Variants in HDAC9 observed in about 807,000 individuals in gnomAD.
HDAC9 encodes the protein MEF-2 interacting transcription repressor (MITR) protein.
In HDAC9, 41 loss-of-function variants were observed where a neutral mutation model predicts 139.4. The ratio of observed to expected loss-of-function variants is 0.29; its 90% CI spans 0.23 to 0.38. The LOEUF is 0.38. HDAC9 is among the 10% of genes least tolerant of loss of function. HDAC9 has a pLI of 1.00. For missense variants in HDAC9, 1,147 were observed against 1,297.0 expected, an observed-to-expected ratio of 0.88 and a Z score of 1.78; for synonymous variants, 517 against 476.2, an observed-to-expected ratio of 1.09 and a Z score of -1.12.
intron 2 of HDAC9, among the ~76,000 whole-genome samples, chr7:18,190,762 A>G (rs1790292889): frequency 6.6e-6 from 1 of 152,208 alleles, no homozygotes; most frequent in African/African-American, 2.4e-5. Context: ...TCAGCTTTTA[A>G]AATCACTTGT....
intron 23 of HDAC9, among the ~76,000 whole-genome samples, chr7:18,948,493 T>C (rs1233124205): frequency 6.6e-5 from 10 of 152,154 alleles, no homozygotes; most frequent in East Asian, 1.9e-4. Context: ...ACTGGTTTTA[T>C]GTAACCAGTT....
At position 18,294,400 on chromosome 7, in the gene HDAC9, T is replaced by G. The variant is rs180830966; in HGVS notation, c.-42+3885T>G. Among the ~76,000 whole-genome samples the G allele has an allele frequency of 1.3e-3, 192 of 152,236 alleles. 2 individuals carry two copies. The highest frequency in any genetic ancestry group is 4.5e-3 in the African/African-American group (187 of 41,530). On this transcript the variant is annotated intron_variant, in intron 1 of 3. Transcript: ENST00000413509. The stretch of plus-strand genomic sequence containing the variant: ...GTATTAATTTAACATGTGATACATG[T>G]TAAGTATTTATATAGCGTATCCTAT...
intron 13 of HDAC9, among the ~76,000 whole-genome samples, chr7:18,742,896 G>T (rs1787587252): frequency 6.6e-6 from 1 of 151,666 alleles, no homozygotes; most frequent in Admixed American, 6.6e-5. Flanking sequence ...TTTTAATTTA[G>T]TTCTATCTCT....
Position 18,567,831 on chromosome 7 carries a change from G to A in HDAC9, c.23-17450G>A, listed in dbSNP as rs187550891. Among the ~76,000 whole-genome samples, 359 of 151,930 alleles carry A rather than the reference G, an allele frequency of 2.4e-3. 2 individuals are homozygous for A. The highest frequency in any genetic ancestry group is 8.3e-3 in the African/African-American group (345 of 41,448). On this transcript the variant is annotated intron_variant, in intron 2 of 25. Transcript: ENST00000686413. ...ATTGCAGCTTTGAGGTGTATAAGAT[G>A]TTTCTTTAAAACCTCAAGGTTTTAA...
At chr7:18,856,953 A>T (rs1797726723) in intron 21 of HDAC9, among the ~76,000 whole-genome samples, 1 of 152,156 alleles carries the variant, frequency 6.6e-6, no homozygotes, top group African/African-American at 2.4e-5. Context: ...CCTTGAAGGA[A>T]ATCACAGTGC....
At chr7:18,162,219 T>A in intron 1 of HDAC9, 2 of 945,774 alleles carry the variant, frequency 2.1e-6, no homozygotes, top group Non-Finnish European at 3.2e-6. Flanking sequence ...GCATTTTTCT[T>A]ATGTTCTAGG....
intron 17 of HDAC9, among the ~76,000 whole-genome samples, chr7:18,797,041 G>A (rs1419593760): frequency 2.6e-5 from 4 of 152,160 alleles, no homozygotes; most frequent in Admixed American, 2.6e-4. Flanking sequence ...ATGATGTCAT[G>A]TTGCTAATAA....
At chr7:18,942,915 A>T (rs1782118554) in intron 23 of HDAC9, among the ~76,000 whole-genome samples, 1 of 152,082 alleles carries the variant, frequency 6.6e-6, no homozygotes, top group Admixed American at 6.5e-5. Context: ...CTTGGAAAAG[A>T]GTATCATACA....
At chr7:18,212,684 G>C (rs1311817047) in intron 2 of HDAC9, among the ~76,000 whole-genome samples, 1 of 152,164 alleles carries the variant, frequency 6.6e-6, no homozygotes, top group African/African-American at 2.4e-5. Context: ...CATCTTTTCT[G>C]TGTTCCTCCC....
At chr7:18,154,219 C>T (rs951063288) in intron 1 of HDAC9, among the ~76,000 whole-genome samples, 7 of 151,600 alleles carry the variant, frequency 4.6e-5, no homozygotes, top group South Asian at 2.1e-4. Flanking sequence ...ATAGCTAACA[C>T]GAGTGAAAGA....
At chr7:18,771,442 G>A (rs955802176) in intron 16 of HDAC9, among the ~76,000 whole-genome samples, 4 of 152,152 alleles carry the variant, frequency 2.6e-5, no homozygotes, top group East Asian at 1.9e-4. Flanking sequence ...TACTCACTAC[G>A]CGAGAGGCAG....
At chr7:18,893,519 A>G (rs948476214) in intron 22 of HDAC9, among the ~76,000 whole-genome samples, 34 of 152,106 alleles carry the variant, frequency 2.2e-4, no homozygotes, top group African/African-American at 7.5e-4. Flanking sequence ...CTAAAATGGT[A>G]CTCCCTGGCC....
At chr7:18,902,263 A>C (rs2129281712) in intron 22 of HDAC9, among the ~76,000 whole-genome samples, 1 of 152,330 alleles carries the variant, frequency 6.6e-6, no homozygotes, top group South Asian at 2.1e-4. Flanking sequence ...ATCAAATCCT[A>C]GTGAAGGTTC....
intron 17 of HDAC9, among the ~76,000 whole-genome samples, chr7:18,827,226 A>G (rs1471405829): frequency 2.6e-5 from 4 of 152,064 alleles, no homozygotes; most frequent in Non-Finnish European, 4.4e-5. Context: ...TTTTGATTCC[A>G]CTAAATATTT....
chr7:18,580,656 A>G (rs1291054383), intron 2 of HDAC9, among the ~76,000 whole-genome samples: 2 of 152,154 alleles, frequency 1.3e-5, no homozygotes, highest in Admixed American at 6.5e-5. Flanking sequence ...CGAAAATAAC[A>G]TATGCATCAC....
chr7:18,858,768 T>C (rs1377783589), intron 21 of HDAC9, among the ~76,000 whole-genome samples: 4 of 152,194 alleles, frequency 2.6e-5, no homozygotes, highest in Non-Finnish European at 5.9e-5. Context: ...AACATTGCAG[T>C]TGGAATTGTA....
chr7:18,502,536 AAATAT>A (rs1256155377), intron 2 of HDAC9: 4 of 152,222 alleles, frequency 2.6e-5, no homozygotes, highest in Non-Finnish European at 5.9e-5. Flanking sequence ...TAGTTTCCAC[AAATAT>A]AATAAAGTAA....
At chr7:18,419,234 A>G (rs1407369067) in intron 1 of HDAC9, among the ~76,000 whole-genome samples, 1 of 152,228 alleles carries the variant, frequency 6.6e-6, no homozygotes, top group East Asian at 1.9e-4. Context: ...CATATGACCA[A>G]TGAGAAAAAA....
chr7:18,173,275 CCT>C (rs908171276), intron 2 of HDAC9, among the ~76,000 whole-genome samples: 8 of 152,042 alleles, frequency 5.3e-5, no homozygotes, highest in Non-Finnish European at 2.9e-5. Flanking sequence ...GATTGCAACC[CCT>C]GTTTTCTTTT....
Sources: gnomAD v4.1 joint callset for allele counts (sites outside exome capture counted in the v4.1 genomes callset) on GRCh38, gnomAD v4.1.1 for gene constraint, MANE v1.5 for transcripts, NCBI Gene and HGNC (gene_info 2026-07-23, HGNC 2026-07-21) for gene names.